Variants in IL1RAPL1 observed in about 807,000 individuals in gnomAD.
IL1RAPL1 encodes the protein interleukin-1 receptor accessory protein-like 1.
IL1RAPL1 carries 3 observed loss-of-function variants against 48.4 expected under a neutral mutation model. That is an observed-to-expected ratio of 0.06 (90% confidence interval 0.03 to 0.16). The LOEUF (loss-of-function observed/expected upper bound fraction) is 0.16. Ranked by LOEUF, IL1RAPL1 falls within the 10% of genes least tolerant of loss-of-function variation. The pLI is 1.00. For synonymous variants in IL1RAPL1, 185 were observed against 187.7 expected, an observed-to-expected ratio of 0.99 and a Z score of 0.12; for missense variants, 349 against 530.6, an observed-to-expected ratio of 0.66 and a Z score of 3.36.
chrX:29,285,030 A>C (rs1932260115), intron 3 of IL1RAPL1, among the ~76,000 whole-genome samples: 1 of 111,842 alleles, frequency 8.9e-6, no homozygotes, highest in African/African-American at 3.3e-5. Context: ...GTGATTCTTC[A>C]AGATAGGCAA....
At chrX:28,911,905 A>G (rs1160507146) in intron 2 of IL1RAPL1, among the ~76,000 whole-genome samples, 7 of 107,729 alleles carry the variant, frequency 6.5e-5, no homozygotes, top group African/African-American at 1.7e-4. Flanking sequence ...AAGGAAAGCA[A>G]TACTCTTGTC....
chrX:29,590,087 G>C (rs1298805433), intron 5 of IL1RAPL1, among the ~76,000 whole-genome samples: 1 of 110,741 alleles, frequency 9.0e-6, no homozygotes, highest in Non-Finnish European at 1.9e-5. Context: ...GCAGGAACGA[G>C]AGAGAGAGAG....
intron 2 of IL1RAPL1, among the ~76,000 whole-genome samples, chrX:29,057,977 T>C (rs1249843115): frequency 8.9e-6 from 1 of 112,202 alleles, no homozygotes; most frequent in Non-Finnish European, 1.9e-5. Context: ...TTCAGATACG[T>C]TATGTAAATG....
intron 2 of IL1RAPL1, among the ~76,000 whole-genome samples, chrX:29,081,715 G>A (rs149624964): frequency 1.7e-3 from 186 of 111,044 alleles, no homozygotes; most frequent in African/African-American, 5.5e-3. Context: ...ACAAGAGTGC[G>A]GCAATAAAAA....
chrX:28,989,468 T>C (rs1174754843), intron 2 of IL1RAPL1, among the ~76,000 whole-genome samples: 1 of 112,616 alleles, frequency 8.9e-6, no homozygotes, highest in Admixed American at 9.4e-5. Flanking sequence ...TATCATACTT[T>C]CAAGTGAGAG....
chrX:29,479,431 A>AAAAAAAAAAAAAAAAAAAT (rs1384814024), intron 5 of IL1RAPL1, among the ~76,000 whole-genome samples: 28 of 105,889 alleles, frequency 2.6e-4, no homozygotes, highest in African/African-American at 9.7e-4. Context: ...AAAAAAAAAA[A>AAAAAAAAAAAAAAAAAAAT]TTAGCATTGT....
At chrX:29,349,565 G>A (rs758216849) in intron 3 of IL1RAPL1, among the ~76,000 whole-genome samples, 3 of 111,245 alleles carry the variant, frequency 2.7e-5, no homozygotes, top group Non-Finnish European at 5.7e-5. Flanking sequence ...TTCATTTTGG[G>A]GCATTGTTTT....
chrX:29,282,759 C>T (rs1364169525), intron 2 of IL1RAPL1, among the ~76,000 whole-genome samples, 179 bp from the exon 3 acceptor site: 1 of 111,972 alleles, frequency 8.9e-6, no homozygotes, highest in African/African-American at 3.2e-5. Context: ...TAGCAGAGTC[C>T]ACTACTTTGC....
intron 2 of IL1RAPL1, among the ~76,000 whole-genome samples, chrX:29,129,588 ATTTTTTTTTTTTTT>A: frequency 3.3e-5 from 2 of 59,862 alleles, no homozygotes; most frequent in South Asian, 2.7e-3. Flanking sequence ...AATAATGTAA[ATTTTTTTTTTTTTT>A]TTTTTTTTTT....
At chrX:29,150,643 G>A (rs1276208033) in intron 2 of IL1RAPL1, among the ~76,000 whole-genome samples, 2 of 110,127 alleles carry the variant, frequency 1.8e-5, no homozygotes, top group African/African-American at 6.6e-5. Flanking sequence ...AAGAAACAAG[G>A]CTGGGCGCGG....
chrX:29,405,360 C>CTTTCT lies in IL1RAPL1; in HGVS notation c.703+6055_703+6056insCTTTT, dbSNP rs1377087452. On this transcript the variant is annotated intron_variant, in intron 5 of 10. Transcript: ENST00000378993. ...ATAGATATGATATTTTCTCTGTGTTCTTTATTTATTTATTTATTTTTTTTG... is the reference window on the plus strand; with the variant it reads ...ATAGATATGATATTTTCTCTGTGTTCTTTCTTTTATTTATTTATTTATTTTTTTTG... Among the ~76,000 whole-genome samples, 589 of 99,339 alleles carry CTTTCT rather than the reference C, an allele frequency of 5.9e-3. 27 individuals carry two copies. The highest frequency in any genetic ancestry group is 0.016 in the African/African-American group (363 of 22,078). The allele number at this position is 99,339 out of a possible 115,157, so 86.3% of individuals were successfully genotyped here. A position where few individuals can be genotyped will look rare whatever the true frequency, so the allele number is the denominator to read the frequency against.
chrX:29,333,351 G>A (rs1258144935), intron 3 of IL1RAPL1, among the ~76,000 whole-genome samples: 1 of 107,196 alleles, frequency 9.3e-6, no homozygotes, highest in Non-Finnish European at 2.0e-5. Context: ...CAGTAGGGGC[G>A]GCCGGGCAGA....
At chrX:29,090,931 A>G (rs189170927) in intron 2 of IL1RAPL1, among the ~76,000 whole-genome samples, 1 of 111,982 alleles carries the variant, frequency 8.9e-6, no homozygotes, top group East Asian at 2.8e-4. Flanking sequence ...AAGATGTTGG[A>G]GAAATTCACA....
chrX:28,995,830 G>T (rs1332821870), intron 2 of IL1RAPL1, among the ~76,000 whole-genome samples: 4 of 109,672 alleles, frequency 3.6e-5, no homozygotes, highest in African/African-American at 1.3e-4. Flanking sequence ...CAGTATAGCC[G>T]AGGCATCCCC....
At chrX:29,320,908 CATT>C (rs745894984) in intron 3 of IL1RAPL1, among the ~76,000 whole-genome samples, 48 of 110,870 alleles carry the variant, frequency 4.3e-4, no homozygotes, top group Admixed American at 1.1e-3. Flanking sequence ...AACTCATTAT[CATT>C]ATTATTATTA....
intron 1 of IL1RAPL1, among the ~76,000 whole-genome samples, chrX:28,682,268 A>T (rs1210559592): frequency 1.8e-5 from 2 of 109,181 alleles, no homozygotes; most frequent in African/African-American, 6.7e-5. Context: ...ATAAGTACCT[A>T]TTTTCAATTC....
chrX:28,892,237 G>A (rs775329729), intron 2 of IL1RAPL1, among the ~76,000 whole-genome samples: 77 of 108,657 alleles, frequency 7.1e-4, no homozygotes, highest in African/African-American at 2.4e-3. Context: ...GGGAGTTGGG[G>A]TGGGGCTGTT....
chrX:29,108,957 C>CT (rs931987448), intron 2 of IL1RAPL1, among the ~76,000 whole-genome samples: 1 of 109,486 alleles, frequency 9.1e-6, no homozygotes, highest in Non-Finnish European at 1.9e-5. Flanking sequence ...AGTAAGACAT[C>CT]TTTTTTTTTC....
intron 1 of IL1RAPL1, among the ~76,000 whole-genome samples, chrX:28,742,427 TGAA>T (rs1935920873): frequency 9.0e-6 from 1 of 111,640 alleles, no homozygotes; most frequent in African/African-American, 3.2e-5. Context: ...AATACAAAGA[TGAA>T]AATGTATTTT....
Sources: gnomAD v4.1 joint callset for allele counts (sites outside exome capture counted in the v4.1 genomes callset) on GRCh38, gnomAD v4.1.1 for gene constraint, MANE v1.5 for transcripts, NCBI Gene and HGNC (gene_info 2026-07-23, HGNC 2026-07-21) for gene names.